The following PITRM1 variants were observed in gnomAD, a reference collection of about 807,000 sequenced individuals.
The protein encoded by PITRM1 is presequence protease, mitochondrial.
PITRM1 carries 100 observed loss-of-function variants against 129.9 expected under a neutral mutation model. The ratio of observed to expected loss-of-function variants is 0.77; its 90% CI spans 0.65 to 0.91. The LOEUF (loss-of-function observed/expected upper bound fraction) is 0.91. PITRM1 is among the 40% of genes least tolerant of loss of function. The probability of loss-of-function intolerance (pLI) is 0.00; values close to 1 mark genes in which losing one functional copy is unlikely to be tolerated. For synonymous variants in PITRM1, 591 were observed against 508.8 expected (o/e 1.16, Z -2.17); for missense variants, 1,471 against 1,318.3 (o/e 1.12, Z -1.79).
intron 23 of PITRM1, chr10:3,143,051 C>CT (rs1352567359): frequency 8.7e-6 from 2 of 230,324 alleles, no homozygotes; most frequent in African/African-American, 4.9e-5. Flanking sequence ...TATCAGAAAT[C>CT]TCAGCCTAAA....
intron 13 of PITRM1, among the ~76,000 whole-genome samples, 171 bp from the exon 14 acceptor site, chr10:3,155,900 C>T (rs1370101387): frequency 6.6e-6 from 1 of 152,164 alleles, no homozygotes; most frequent in East Asian, 1.9e-4. Flanking sequence ...TGCAAGTACA[C>T]AAGCCTTATA....
At chr10:3,158,535 G>A (rs1291135485) in intron 10 of PITRM1, among the ~76,000 whole-genome samples, 1 of 152,118 alleles carries the variant, frequency 6.6e-6, no homozygotes, top group African/African-American at 2.4e-5. Context: ...GGGCGACAGG[G>A]AGAGACTCCA....
chr10:3,157,580 G>A (rs1445147226), intron 11 of PITRM1, 49 bp from the exon 12 acceptor site: 3 of 1,226,706 alleles, frequency 2.4e-6, no homozygotes, highest in Non-Finnish European at 2.3e-6. Flanking sequence ...AATGGCTCAT[G>A]CTTGTAATCC....
chr10:3,171,507 A>C (rs1017562551), intron 1 of PITRM1, among the ~76,000 whole-genome samples: 1 of 152,092 alleles, frequency 6.6e-6, no homozygotes, highest in Non-Finnish European at 1.5e-5. Flanking sequence ...GCAGCGGTGC[A>C]ATCTCGACTC....
At position 3,155,616 on chromosome 10, in the gene PITRM1, T is replaced by G; in HGVS notation, c.1596A>C (p.Gly532=). Residue 532 remains glycine, a synonymous_variant, in exon 14 of 27, where the codon GGA becomes GGC. Transcript: ENST00000224949. ...CTTTCTCGTAGATCTGCTGCCTGTC[T>G]CCGGGGGACAGAGCCTCGACCTTCT... The part of the protein sequence containing the change: ...LKQKVEALSP[G]DRQQIYEKGL... 6.2e-7 allele frequency: 1 copy of G among 1,613,912 alleles called. No homozygotes were observed. The highest frequency in any genetic ancestry group is 1.1e-5 in the South Asian group (1 of 91,074).
At chr10:3,160,991 C>T (rs1842399714) in intron 7 of PITRM1, among the ~76,000 whole-genome samples, 1 of 152,142 alleles carries the variant, frequency 6.6e-6, no homozygotes, top group Non-Finnish European at 1.5e-5. Flanking sequence ...GAACTCCTGA[C>T]CTCAGGTGAT....
intron 15 of PITRM1, among the ~76,000 whole-genome samples, chr10:3,150,759 GA>G (rs1841441095): frequency 6.6e-6 from 1 of 152,152 alleles, no homozygotes; most frequent in East Asian, 1.9e-4. Flanking sequence ...ACGTGTCACG[GA>G]ACAAAACGTG....
At chr10:3,171,984 C>T (rs115929105) in intron 1 of PITRM1, among the ~76,000 whole-genome samples, 1,964 of 152,338 alleles carry the variant, frequency 0.013, 54 homozygotes, top group African/African-American at 0.045. Flanking sequence ...TATTCAGTCA[C>T]TGGCAATATT....
chr10:3,141,725 G>A, intron 23 of PITRM1: 1 of 463,828 alleles, frequency 2.2e-6, no homozygotes, highest in South Asian at 1.6e-5. Context: ...CGCTTCCACA[G>A]ACAGGCCTTT....
At position 3,172,766 on chromosome 10, in the gene PITRM1, G is replaced by C. The variant is rs756647224; in HGVS notation, c.7C>G (p.Arg3Gly). 1.3e-5 allele frequency: 20 copies of C among 1,546,232 alleles called. No homozygotes were observed. Among genetic ancestry groups the C allele is most frequent in the African/African-American group, 2.8e-5 (2 of 72,626 alleles). ...CACAGGCCCTGCCGCCCGCCGCAGCGCCACATTGCGCATGACGAGCACCTG... is the reference window on the plus strand; with the variant it reads ...CACAGGCCCTGCCGCCCGCCGCAGCCCCACATTGCGCATGACGAGCACCTG... MW[R>G]CGGRQGLCVL... Residue 3 changes from arginine to glycine, a missense_variant, in exon 1 of 27, where the codon CGC becomes GGC. Coordinates refer to ENST00000224949, the MANE Select transcript of PITRM1 (RefSeq NM_014889.4).
rs1842637608 is a variant in PITRM1, at chr10:3,163,726, T to C, written c.790A>G (p.Arg264Gly). 2 of 1,600,126 alleles carry C rather than the reference T, an allele frequency of 1.2e-6. No homozygotes were observed. Among genetic ancestry groups the C allele is most frequent in the Non-Finnish European group, 1.7e-6 (2 of 1,173,916 alleles). Residue 264 changes from arginine to glycine, a missense_variant and splice_region_variant, in exon 7 of 27, where the codon AGG (arginine) becomes GGG (glycine). By Grantham distance (125) the Arg-to-Gly change is moderately radical. Transcript: ENST00000224949. ...CAAACTTTTCCAACAAAATATTACC[T>C]AGCATTGCTTGGGTGATAGTGAGTG... is the stretch of plus-strand genomic sequence containing the variant. ...HATHYHPSNA[R>G]FFTYGNFPLE...
Position 3,159,050 on chromosome 10 carries a change from GAA to G in PITRM1, c.1008-10_1008-9del. 1 of 1,548,296 alleles carries G rather than the reference GAA, an allele frequency of 6.5e-7. No individual in the cohort carries two copies. On this transcript the variant is annotated splice_polypyrimidine_tract_variant and intron_variant, in intron 9 of 26. Transcript: ENST00000224949. ...TCAAATGTGTCGGTGATGCTGCATTGAAAAAAAAAGGAACGGGGAGGTAAGAA... is the reference window on the plus strand; with the variant it reads ...TCAAATGTGTCGGTGATGCTGCATTGAAAAAAAGGAACGGGGAGGTAAGAA...
chr10:3,148,209 C>G lies in PITRM1; in HGVS notation c.1954G>C (p.Val652Leu), dbSNP rs759961600. The G allele has an allele frequency of 1.4e-5, 22 of 1,613,850 alleles. No homozygotes were observed. In the Admixed American group the frequency reaches 2.7e-4, roughly 20 times the overall value. ...TCCATGTGTGAGTCGTCGGGGAGCA[C>G]GTGGGGAGAAGCACTCATCCCTCCG... ...KTGGMSASPH[V>L]LPDDSHMDTY... is the part of the protein sequence containing the mutation. Residue 652 changes from valine (V) to leucine (L), a missense_variant, in exon 17 of 27, where the codon GTG (valine) becomes CTG (leucine). Val to Leu is a conservative substitution (Grantham distance 32). Transcript: ENST00000224949.
chr10:3,142,210 T>C (rs1453100414), intron 23 of PITRM1, among the ~76,000 whole-genome samples: 3 of 152,188 alleles, frequency 2.0e-5, no homozygotes, highest in Non-Finnish European at 4.4e-5. Context: ...TGGAAATAAA[T>C]GAACAAAACA....
intron 23 of PITRM1, among the ~76,000 whole-genome samples, chr10:3,142,658 C>G (rs1840371930): frequency 6.6e-6 from 1 of 152,228 alleles, no homozygotes; most frequent in Non-Finnish European, 1.5e-5. Flanking sequence ...TGCAAACTCC[C>G]TCGCCCCACG....
At position 3,156,929 on chromosome 10, in the gene PITRM1, C is replaced by T; in HGVS notation, c.1482+1G>A. ...AGAAATGAATTATCCAACTTTCTTA[C>T]CTTAAAATACTGTTTTACTTTTTCT... is the stretch of plus-strand genomic sequence containing the variant. On this transcript the variant is annotated splice_donor_variant, in intron 13 of 26. Coordinates refer to ENST00000224949, the MANE Select transcript of PITRM1 (RefSeq NM_014889.4). LOFTEE classifies it high-confidence loss of function. 6.5e-7 allele frequency: 1 copy of T among 1,542,556 alleles called. No individual in the cohort carries two copies. Among genetic ancestry groups the T allele is most frequent in the South Asian group, 1.2e-5 (1 of 80,658 alleles).
chr10:3,170,722 G>A lies in PITRM1; in HGVS notation c.57-516C>T, dbSNP rs777491355. ...TTTAGAAAGGCTGAAGAGGCCGGGC[G>A]TGGTGGCTTACGTCTGTAATCCCAG... On this transcript the variant is annotated intron_variant, in intron 1 of 26. Coordinates refer to ENST00000224949, the MANE Select transcript of PITRM1 (RefSeq NM_014889.4). Among the ~76,000 whole-genome samples the A allele has an allele frequency of 2.6e-5, 4 of 152,316 alleles. 1 individual carries two copies. The highest frequency in any genetic ancestry group is 4.8e-5 in the African/African-American group (2 of 41,568).
intron 1 of PITRM1, among the ~76,000 whole-genome samples, chr10:3,172,016 C>T (rs1199901447): frequency 6.6e-6 from 1 of 152,196 alleles, no homozygotes; most frequent in Non-Finnish European, 1.5e-5. Flanking sequence ...CTATAACCAA[C>T]ATTTGCTTAC....
chr10:3,166,891 T>TA (rs772318435), intron 3 of PITRM1, 45 bp downstream of exon 3: 1 of 1,182,544 alleles, frequency 8.5e-7, no homozygotes, highest in South Asian at 1.4e-5. Context: ...ATTCCTGATT[T>TA]AAATAAAAAC....
Sources: allele counts gnomAD v4.1 joint callset (sites outside exome capture counted in the v4.1 genomes callset), GRCh38; gene constraint gnomAD v4.1.1; transcripts MANE v1.5; gene names NCBI Gene and HGNC (gene_info 2026-07-23, HGNC 2026-07-21).